ITGA8: variants seen among roughly 807,000 people sequenced by gnomAD.
The protein encoded by ITGA8 is integrin subunit alpha 8.
A neutral mutation model predicts 142.3 loss-of-function variants in ITGA8; 91 were observed. That is an observed-to-expected ratio of 0.64 (90% CI 0.54 to 0.76). The LOEUF (loss-of-function observed/expected upper bound fraction) is 0.76, where lower values mean the gene tolerates loss of function less well. Ranked by LOEUF, ITGA8 falls within the 30% of genes least tolerant of loss-of-function variation. ITGA8 has a pLI of 0.00. For missense variants in ITGA8, 1,406 were observed against 1,327.7 expected (o/e 1.06, Z -0.92); for synonymous variants, 505 against 485.2 (o/e 1.04, Z -0.54).
chr10:15,572,284 T>C lies in ITGA8; in HGVS notation c.2564A>G (p.Tyr855Cys). 1 of 1,613,940 alleles carries C rather than the reference T, an allele frequency of 6.2e-7. No individual in the cohort carries two copies. Among genetic ancestry groups the C allele is most frequent in the South Asian group, 1.1e-5 (1 of 91,076 alleles). ...TCCCAGAGTTTGAATATGGAAAATA[T>C]AGAGAAGAAATTCATCCCGGGCAGA... ...PFSARDEFLL[Y>C]IFHIQTLGPL... The change falls in exon 25 of 30, where the codon TAT (tyrosine) becomes TGT (cysteine). Residue 855 changes from tyrosine (Y) to cysteine (C), a missense_variant. By Grantham distance (194) the Tyr-to-Cys change is radical. Transcript: ENST00000378076.
At position 15,637,640 on chromosome 10, in the gene ITGA8, T is replaced by C. The variant is rs1018035820; in HGVS notation, c.1399+6390A>G. Among the ~76,000 whole-genome samples the C allele has an allele frequency of 2.0e-5, 3 of 151,780 alleles. No individual in the cohort carries two copies. The South Asian group carries it at 6.2e-4, about 32-fold the overall frequency. On this transcript the variant is annotated intron_variant, in intron 13 of 29. Coordinates refer to ENST00000378076, the MANE Select transcript of ITGA8 (RefSeq NM_003638.3). ...GATTCTCCCACTTCAGACTCCCAAG[T>C]AGCTGGAACTGCAGGCATACTGCAG...
chr10:15,641,294 A>G (rs1439329200), intron 13 of ITGA8, among the ~76,000 whole-genome samples: 1 of 152,178 alleles, frequency 6.6e-6, no homozygotes, highest in Non-Finnish European at 1.5e-5. Flanking sequence ...CAAGATCATC[A>G]TTTTCTACCA....
intron 7 of ITGA8, among the ~76,000 whole-genome samples, chr10:15,672,161 CT>C (rs959401217): frequency 6.6e-6 from 1 of 152,168 alleles, no homozygotes; most frequent in African/African-American, 2.4e-5. Context: ...AGCTACATTT[CT>C]TTTTCAAATT....
At chr10:15,660,734 A>G (rs1402184310) in intron 9 of ITGA8, 145 bp downstream of exon 9, 1 of 671,790 alleles carries the variant, frequency 1.5e-6, no homozygotes. Context: ...TAGGTAAGCT[A>G]TGATGTTCGG....
chr10:15,537,971 C>CA (rs781560418), intron 27 of ITGA8, among the ~76,000 whole-genome samples: 1,826 of 135,708 alleles, frequency 0.013, 24 homozygotes, highest in African/African-American at 0.049. Context: ...CAAAACAAAA[C>CA]AAAAAAAAAA....
At chr10:15,536,169 G>A (rs1014073240) in intron 27 of ITGA8, among the ~76,000 whole-genome samples, 1 of 152,130 alleles carries the variant, frequency 6.6e-6, no homozygotes, top group Non-Finnish European at 1.5e-5. Context: ...GTGAGACCAA[G>A]AACCCACCAA....
chr10:15,717,740 A>G (rs186038211), intron 2 of ITGA8, among the ~76,000 whole-genome samples: 4 of 152,350 alleles, frequency 2.6e-5, no homozygotes, highest in East Asian at 1.9e-4. Context: ...ATATTTTCAT[A>G]TTTATGAAAC....
Position 15,514,946 on chromosome 10 carries a change from A to C in ITGA8, c.*2212T>G, listed in dbSNP as rs948984501. 1 of 152,194 alleles carries C rather than the reference A, an allele frequency of 6.6e-6. No individual in the cohort carries two copies. Among genetic ancestry groups the C allele is most frequent in the African/African-American group, 2.4e-5 (1 of 41,422 alleles). 9.4% of individuals were successfully genotyped at this position (152,194 alleles called of 1,614,324 possible). A position where few individuals can be genotyped will look rare whatever the true frequency, so the allele number is the denominator to read the frequency against. ...TCTAGTTCCTTCCAGGTATCTGCAT[A>C]AACTATCTCAACAGGGGTCTTTTTT... On this transcript the variant is annotated 3_prime_UTR_variant, in exon 30 of 30. Transcript: ENST00000378076.
At chr10:15,651,101 G>C (rs1588699023) in intron 11 of ITGA8, among the ~76,000 whole-genome samples, 1 of 151,934 alleles carries the variant, frequency 6.6e-6, no homozygotes, top group Non-Finnish European at 1.5e-5. Flanking sequence ...GCAGAGGTTA[G>C]AAACAATGGT....
chr10:15,523,647 C>T (rs776469265), intron 28 of ITGA8, among the ~76,000 whole-genome samples: 10 of 151,650 alleles, frequency 6.6e-5, no homozygotes, highest in South Asian at 2.1e-4. Flanking sequence ...TGGTGGCTTA[C>T]GCCTGTAATC....
At chr10:15,631,797 C>A (rs1003470385) in intron 13 of ITGA8, among the ~76,000 whole-genome samples, 36 of 150,702 alleles carry the variant, frequency 2.4e-4, no homozygotes, top group East Asian at 5.9e-4. Context: ...CCACCCCCCC[C>A]AAAAAAAGCC....
intron 2 of ITGA8, among the ~76,000 whole-genome samples, chr10:15,712,977 A>C (rs1377894829): frequency 1.3e-5 from 2 of 152,202 alleles, no homozygotes; most frequent in Non-Finnish European, 2.9e-5. Context: ...ATAGGTGCCT[A>C]ATGCTCATAC....
At chr10:15,536,020 G>C (rs546847538) in intron 27 of ITGA8, among the ~76,000 whole-genome samples, 1 of 151,322 alleles carries the variant, frequency 6.6e-6, no homozygotes, top group Non-Finnish European at 1.5e-5. Context: ...CTTCACTCCT[G>C]AGCCAGCGAG....
At chr10:15,670,263 G>C (rs536150453) in intron 8 of ITGA8, among the ~76,000 whole-genome samples, 1 of 152,194 alleles carries the variant, frequency 6.6e-6, no homozygotes, top group African/African-American at 2.4e-5. Flanking sequence ...AATATTACCC[G>C]TTGAGTGAAA....
intron 25 of ITGA8, among the ~76,000 whole-genome samples, chr10:15,565,047 G>A (rs115064738): frequency 1.5e-3 from 230 of 152,264 alleles, no homozygotes; most frequent in African/African-American, 5.4e-3. Context: ...ATTTGAACAT[G>A]GTGTTTTTAC....
chr10:15,555,489 T>C (rs1833870251), intron 26 of ITGA8, among the ~76,000 whole-genome samples: 1 of 152,178 alleles, frequency 6.6e-6, no homozygotes. Context: ...GGAGGGAGGA[T>C]GCCCCCTTGG....
intron 11 of ITGA8, 126 bp downstream of exon 11, chr10:15,655,228 A>G (rs1374348004): frequency 1.7e-6 from 1 of 572,236 alleles, no homozygotes; most frequent in Admixed American, 3.4e-5. Flanking sequence ...GAACCAAAAA[A>G]GTTGAGAACA....
intron 25 of ITGA8, among the ~76,000 whole-genome samples, chr10:15,565,734 C>T (rs1292386521): frequency 2.0e-5 from 3 of 151,598 alleles, no homozygotes; most frequent in Admixed American, 6.6e-5. Context: ...GGATTGCAGG[C>T]ACCCACCACC....
chr10:15,614,033 C>T (rs1833349889), intron 14 of ITGA8, among the ~76,000 whole-genome samples: 1 of 152,162 alleles, frequency 6.6e-6, no homozygotes, highest in Non-Finnish European at 1.5e-5. Flanking sequence ...GCGTACACAA[C>T]CTAATTTCAT....
Sources: allele counts gnomAD v4.1 joint callset (sites outside exome capture counted in the v4.1 genomes callset), GRCh38; gene constraint gnomAD v4.1.1; transcripts MANE v1.5; gene names NCBI Gene and HGNC (gene_info 2026-07-23, HGNC 2026-07-21).